PTPRD: variants seen among roughly 807,000 people sequenced by gnomAD.
PTPRD encodes receptor-type tyrosine-protein phosphatase delta.
PTPRD carries 34 observed loss-of-function variants against 214.5 expected under a neutral mutation model. The observed-to-expected ratio is 0.16, with a 90% confidence interval of 0.12 to 0.21. The LOEUF (loss-of-function observed/expected upper bound fraction) is 0.21. Among genes scored for constraint, PTPRD ranks in the 10% least tolerant of loss-of-function variants. The pLI is 1.00. For synonymous variants in PTPRD, 1,128 were observed against 845.7 expected (o/e 1.33, Z -5.79); for missense variants, 2,545 against 2,398.7 (o/e 1.06, Z -1.27).
At chr9:10,407,808 A>G (rs527904800) in intron 2 of PTPRD, among the ~76,000 whole-genome samples, 2 of 151,690 alleles carry the variant, frequency 1.3e-5, no homozygotes, top group South Asian at 4.1e-4. Context: ...GCTAGAAGGA[A>G]ATTGTATTTT....
At position 8,566,100 on chromosome 9, in the gene PTPRD, ATGTGTGTGTGTGTGTGTG is replaced by A. The variant is rs139478736; in HGVS notation, c.353-37339_353-37322del. Among the ~76,000 whole-genome samples, 6 of 137,920 alleles carry A rather than the reference ATGTGTGTGTGTGTGTGTG, an allele frequency of 4.4e-5. 1 individual carries two copies. Among genetic ancestry groups the A allele is most frequent in the East Asian group, 2.2e-4 (1 of 4,626 alleles). 90.5% of individuals were successfully genotyped at this position (137,920 alleles called of 152,430 possible). A position where few individuals can be genotyped will look rare whatever the true frequency, so the allele number is the denominator to read the frequency against. ...AAAAGATATATACTGAATGCAAAAT[ATGTGTGTGTGTGTGTGTG>A]TGTGTGTGTGTGTGTGTGTGTGTAT... On this transcript the variant is annotated intron_variant, in intron 14 of 45. Transcript: ENST00000381196.
intron 2 of PTPRD, among the ~76,000 whole-genome samples, chr9:10,479,398 G>A (rs1427920886): frequency 6.6e-6 from 1 of 152,058 alleles, no homozygotes; most frequent in African/African-American, 2.4e-5. Flanking sequence ...TTCTTTGAAA[G>A]CCCCTAGTGG....
intron 3 of PTPRD, among the ~76,000 whole-genome samples, chr9:10,307,985 T>C (rs1472160419): frequency 1.3e-5 from 2 of 152,032 alleles, no homozygotes; most frequent in Non-Finnish European, 2.9e-5. Context: ...GGATGAATAG[T>C]TTGCAAATAT....
intron 5 of PTPRD, among the ~76,000 whole-genome samples, chr9:9,920,624 G>A (rs2082288964): frequency 6.6e-6 from 1 of 152,100 alleles, no homozygotes; most frequent in East Asian, 1.9e-4. Context: ...AGCCCCTAGT[G>A]GTAGAAGGAG....
intron 9 of PTPRD, among the ~76,000 whole-genome samples, chr9:9,190,340 G>A (rs1337946351): frequency 6.6e-6 from 1 of 152,042 alleles, no homozygotes; most frequent in Non-Finnish European, 1.5e-5. Context: ...GGGGAGGTAA[G>A]TGAATCATGG....
chr9:9,946,683 G>C (rs2092606492), intron 4 of PTPRD, among the ~76,000 whole-genome samples: 1 of 152,196 alleles, frequency 6.6e-6, no homozygotes, highest in East Asian at 1.9e-4. Context: ...AGCTTGATCA[G>C]AGGAAAAACT....
At chr9:8,682,393 CAT>C (rs1405480246) in intron 12 of PTPRD, among the ~76,000 whole-genome samples, 2 of 145,216 alleles carry the variant, frequency 1.4e-5, no homozygotes, top group African/African-American at 5.4e-5. Flanking sequence ...TCAAAGAAAA[CAT>C]AAATGTTTGG....
chr9:8,494,108 G>A (rs1207427934), intron 26 of PTPRD, among the ~76,000 whole-genome samples: 1 of 151,848 alleles, frequency 6.6e-6, no homozygotes, highest in Non-Finnish European at 1.5e-5. Context: ...ATAAATTTAG[G>A]AAAATGCACA....
intron 35 of PTPRD, among the ~76,000 whole-genome samples, chr9:8,423,024 T>G (rs879371151): frequency 2.0e-5 from 3 of 152,176 alleles, no homozygotes; most frequent in Non-Finnish European, 2.9e-5. Context: ...AGACTCGACC[T>G]AAGCCTGCAG....
At chr9:9,982,524 A>T (rs138912280) in intron 4 of PTPRD, among the ~76,000 whole-genome samples, 254 of 150,852 alleles carry the variant, frequency 1.7e-3, no homozygotes, top group African/African-American at 5.8e-3. Context: ...GTTGGCATAA[A>T]CTAATTGCAA....
chr9:10,022,475 C>G (rs2096842489), intron 4 of PTPRD, among the ~76,000 whole-genome samples: 1 of 151,416 alleles, frequency 6.6e-6, no homozygotes, highest in Admixed American at 6.6e-5. Flanking sequence ...CAGGTGCTAC[C>G]CCACAAGATT....
intron 11 of PTPRD, among the ~76,000 whole-genome samples, chr9:8,802,058 C>T (rs74881173): frequency 0.022 from 3,391 of 152,170 alleles, 96 homozygotes; most frequent in African/African-American, 0.058. Context: ...TATATCACCA[C>T]ATAACTGGAG....
At chr9:8,384,284 T>C (rs189131638) in intron 37 of PTPRD, among the ~76,000 whole-genome samples, 4 of 152,282 alleles carry the variant, frequency 2.6e-5, no homozygotes, top group East Asian at 1.9e-4. Context: ...CGTGTGCTTA[T>C]TGGCATGTTA....
chr9:8,319,768 G>A (rs547528487), intron 45 of PTPRD, 63 bp downstream of exon 45: 14 of 1,594,770 alleles, frequency 8.8e-6, no homozygotes, highest in South Asian at 6.7e-5. Context: ...TATGGAGTCC[G>A]GGAGGTCCAG....
chr9:9,899,558 T>G (rs2075880415), intron 5 of PTPRD, among the ~76,000 whole-genome samples: 1 of 152,002 alleles, frequency 6.6e-6, no homozygotes, highest in South Asian at 2.1e-4. Flanking sequence ...ATAACCAGTG[T>G]TGGTATGGAT....
intron 2 of PTPRD, among the ~76,000 whole-genome samples, chr9:10,362,341 T>G (rs2097409698): frequency 1.3e-5 from 2 of 149,930 alleles, no homozygotes; most frequent in South Asian, 4.2e-4. Flanking sequence ...GAGAAATTTT[T>G]TTTTTTTTTT....
intron 2 of PTPRD, among the ~76,000 whole-genome samples, chr9:10,351,391 C>G (rs933451066): frequency 6.6e-6 from 1 of 152,038 alleles, no homozygotes; most frequent in Non-Finnish European, 1.5e-5. Context: ...TGCCCAATTA[C>G]ACTTTGATAG....
At chr9:9,702,051 C>T (rs2097515846) in intron 7 of PTPRD, among the ~76,000 whole-genome samples, 1 of 151,880 alleles carries the variant, frequency 6.6e-6, no homozygotes, top group Non-Finnish European at 1.5e-5. Context: ...ACATGGGAGG[C>T]AGAGGTTGCA....
At chr9:9,232,996 A>G (rs959425818) in intron 9 of PTPRD, among the ~76,000 whole-genome samples, 11 of 152,078 alleles carry the variant, frequency 7.2e-5, no homozygotes, top group African/African-American at 2.4e-4. Context: ...CTCTAACCCA[A>G]CCTTGTCCAA....
Sources: allele counts gnomAD v4.1 joint callset (sites outside exome capture counted in the v4.1 genomes callset), GRCh38; gene constraint gnomAD v4.1.1; transcripts MANE v1.5; gene names NCBI Gene and HGNC (gene_info 2026-07-23, HGNC 2026-07-21).